AIMP1: variants seen among roughly 807,000 people sequenced by gnomAD.
AIMP1 encodes aminoacyl tRNA synthase complex-interacting multifunctional protein 1.
AIMP1 carries 24 observed loss-of-function variants against 33.1 expected under a neutral mutation model. That is an observed-to-expected ratio of 0.73 (90% confidence interval 0.53 to 1.02). The LOEUF (loss-of-function observed/expected upper bound fraction) is 1.02, where lower values mean the gene tolerates loss of function less well. Among genes scored for constraint, AIMP1 ranks in the 50% least tolerant of loss-of-function variants. The pLI is 0.00. For missense variants in AIMP1, 367 were observed against 364.8 expected, an observed-to-expected ratio of 1.01 and a Z score of -0.05; for synonymous variants, 120 against 121.5, an observed-to-expected ratio of 0.99 and a Z score of 0.08.
chr4:106,340,668 A>T (rs1456968111), intron 6 of AIMP1, among the ~76,000 whole-genome samples: 3 of 152,128 alleles, frequency 2.0e-5, no homozygotes, highest in Non-Finnish European at 4.4e-5. Context: ...TGTGTACCAC[A>T]TTTTTTTAAT....
At chr4:106,322,550 T>C (rs1016732378) in intron 1 of AIMP1, among the ~76,000 whole-genome samples, 1 of 152,200 alleles carries the variant, frequency 6.6e-6, no homozygotes, top group Non-Finnish European at 1.5e-5. Flanking sequence ...AGCAAATGGC[T>C]TTTAGCACTT....
chr4:106,346,832 C>T (rs1485739103), intron 6 of AIMP1, among the ~76,000 whole-genome samples: 1 of 152,046 alleles, frequency 6.6e-6, no homozygotes, highest in Non-Finnish European at 1.5e-5. Context: ...GTATATTAAT[C>T]CATTCATGCA....
chr4:106,348,582 A>G lies in AIMP1; in HGVS notation c.*890A>G, dbSNP rs1729917392. On this transcript the variant is annotated 3_prime_UTR_variant, in exon 7 of 7. Coordinates refer to ENST00000672341, the MANE Select transcript of AIMP1 (RefSeq NM_001142416.2). ...GCCTAAAACTTAACATATACCATAC[A>G]TATATATTAAGGTGTCAAATAGCTA... 1 of 152,120 alleles carries G rather than the reference A, an allele frequency of 6.6e-6. No homozygotes were observed. Among genetic ancestry groups the G allele is most frequent in the African/African-American group, 2.4e-5 (1 of 41,438 alleles). The allele number at this position is 152,120 out of a possible 1,614,324, so 9.4% of individuals were successfully genotyped here.
chr4:106,327,282 A>G (rs1236522073), intron 2 of AIMP1, among the ~76,000 whole-genome samples, 169 bp from the exon 3 acceptor site: 2 of 152,086 alleles, frequency 1.3e-5, no homozygotes, highest in South Asian at 2.1e-4. Context: ...CTTAAATAGC[A>G]TGTTGTTTTA....
At chr4:106,316,118 G>A (rs1009359574), upstream of AIMP1, 12 of 156,116 alleles carry the variant, frequency 7.7e-5, no homozygotes, top group African/African-American at 2.6e-4. Context: ...CTTTGCTCGC[G>A]AGCCAAGTCA....
intron 1 of AIMP1, among the ~76,000 whole-genome samples, chr4:106,324,481 T>C (rs1769385844): frequency 6.6e-6 from 1 of 152,072 alleles, no homozygotes; most frequent in Admixed American, 6.5e-5. Flanking sequence ...AACAAGCATA[T>C]GATTAATATT....
At chr4:106,334,955 A>G (rs1253004694) in intron 5 of AIMP1, among the ~76,000 whole-genome samples, 1 of 152,194 alleles carries the variant, frequency 6.6e-6, no homozygotes, top group African/African-American at 2.4e-5. Flanking sequence ...ATCAGAGATA[A>G]GGGTGCCAAA....
upstream of AIMP1, chr4:106,316,518 C>G (rs375142405): frequency 7.3e-5 from 114 of 1,551,246 alleles, no homozygotes; most frequent in Non-Finnish European, 9.6e-5. Flanking sequence ...TCCTTTCTCA[C>G]TGCTATAGTA....
intron 3 of AIMP1, 78 bp downstream of exon 3, chr4:106,327,642 A>G: frequency 9.3e-7 from 1 of 1,073,530 alleles, no homozygotes; most frequent in Non-Finnish European, 1.4e-6. Flanking sequence ...GAAAGAAGTA[A>G]GAATCTGTAT....
At chr4:106,323,631 T>C (rs951069097) in intron 1 of AIMP1, among the ~76,000 whole-genome samples, 2 of 151,846 alleles carry the variant, frequency 1.3e-5, no homozygotes, top group Non-Finnish European at 2.9e-5. Flanking sequence ...ACTATGCTCT[T>C]CTGAATTTTA....
intron 1 of AIMP1, among the ~76,000 whole-genome samples, chr4:106,317,988 G>A (rs2125917380): frequency 6.6e-6 from 1 of 152,208 alleles, no homozygotes; most frequent in Non-Finnish European, 1.5e-5. Flanking sequence ...GGGGAGGAAA[G>A]TTTTTGTGTT....
At position 106,347,896 on chromosome 4, in the gene AIMP1, A is replaced by T; in HGVS notation, c.*204A>T. The T allele has an allele frequency of 2.2e-6, 1 of 462,230 alleles. No individual in the cohort carries two copies. Among genetic ancestry groups the T allele is most frequent in the Non-Finnish European group, 3.8e-6 (1 of 266,380 alleles). The allele number at this position is 462,230 out of a possible 1,614,324, so 28.6% of individuals were successfully genotyped here. The stretch of plus-strand genomic sequence containing the variant: ...CTCGGTTTTTGATCATTTATAATGG[A>T]GAGAGGAAGTTGCCTATGTTTTGTA... On this transcript the variant is annotated 3_prime_UTR_variant, in exon 7 of 7. Coordinates refer to ENST00000672341, the MANE Select transcript of AIMP1 (RefSeq NM_001142416.2).
At chr4:106,327,649 G>A (rs1769503463) in intron 3 of AIMP1, 85 bp downstream of exon 3, 3 of 963,480 alleles carry the variant, frequency 3.1e-6, no homozygotes, top group East Asian at 5.2e-5. Flanking sequence ...GTAAGAATCT[G>A]TATCTAGGCA....
At chr4:106,329,272 G>C (rs1340592141) in intron 4 of AIMP1, among the ~76,000 whole-genome samples, 2 of 152,152 alleles carry the variant, frequency 1.3e-5, no homozygotes, top group Non-Finnish European at 2.9e-5. Context: ...AGTACGTTAA[G>C]AAGTAGACAC....
At chr4:106,346,158 A>C (rs1406233130) in intron 6 of AIMP1, among the ~76,000 whole-genome samples, 1 of 152,020 alleles carries the variant, frequency 6.6e-6, no homozygotes, top group Non-Finnish European at 1.5e-5. Context: ...GAACATTCTC[A>C]GCTATTGAAC....
At position 106,334,973 on chromosome 4, in the gene AIMP1, T is replaced by C. The variant is rs540707420; in HGVS notation, c.604-1896T>C. 5.3e-5 allele frequency among the ~76,000 whole-genome samples: 8 copies of C among 152,300 alleles called. No homozygotes were observed. In the East Asian group the frequency reaches 7.7e-4, roughly 15 times the overall value. ...AGAGATAAGGGTGCCAAATGTCTTA[T>C]AGATCATTGTAAAGTTTGGCATTTT... On this transcript the variant is annotated intron_variant, in intron 5 of 6. Transcript: ENST00000672341.
intron 6 of AIMP1, among the ~76,000 whole-genome samples, chr4:106,337,644 G>A (rs889232116): frequency 6.6e-6 from 1 of 152,218 alleles, no homozygotes; most frequent in Non-Finnish European, 1.5e-5. Context: ...ATACTGGGTA[G>A]TAGGGACACT....
chr4:106,326,206 T>A (rs1769448691), intron 2 of AIMP1, among the ~76,000 whole-genome samples: 1 of 152,146 alleles, frequency 6.6e-6, no homozygotes, highest in Non-Finnish European at 1.5e-5. Flanking sequence ...AAATTTAGGG[T>A]ATAATAAGCA....
At chr4:106,318,680 C>T (rs546759968) in intron 1 of AIMP1, among the ~76,000 whole-genome samples, 2 of 152,172 alleles carry the variant, frequency 1.3e-5, no homozygotes, top group South Asian at 2.1e-4. Flanking sequence ...ACACTTACAC[C>T]CACTTAGTCA....
Sources: gnomAD v4.1 joint callset for allele counts (sites outside exome capture counted in the v4.1 genomes callset) on GRCh38, gnomAD v4.1.1 for gene constraint, MANE v1.5 for transcripts, NCBI Gene and HGNC (gene_info 2026-07-23, HGNC 2026-07-21) for gene names.